The following SNX1 variants were observed in gnomAD, a reference collection of about 807,000 sequenced individuals.
The protein encoded by SNX1 is sorting nexin 1.
A neutral mutation model predicts 71.8 loss-of-function variants in SNX1; 36 were observed. The ratio of observed to expected loss-of-function variants is 0.50; its 90% CI spans 0.38 to 0.66. The LOEUF (loss-of-function observed/expected upper bound fraction) is 0.66, where lower values mean the gene tolerates loss of function less well. Ranked by LOEUF, SNX1 falls within the 30% of genes least tolerant of loss-of-function variation. The probability of loss-of-function intolerance (pLI) is 0.00; values close to 1 mark genes in which losing one functional copy is unlikely to be tolerated. For synonymous variants in SNX1, 254 were observed against 240.7 expected, an observed-to-expected ratio of 1.06 and a Z score of -0.51; for missense variants, 612 against 646.7, an observed-to-expected ratio of 0.95 and a Z score of 0.58.
At chr15:64,127,312 G>C (rs1407043073) in intron 7 of SNX1, 60 bp downstream of exon 7, 17 of 1,317,228 alleles carry the variant, frequency 1.3e-5, no homozygotes, top group Non-Finnish European at 1.8e-5. Flanking sequence ...GCTGAAAAGT[G>C]AGTCTAAATG....
chr15:64,134,416 C>T lies in SNX1; in HGVS notation c.1222-248C>T. 1 of 493,830 alleles carries T rather than the reference C, an allele frequency of 2.0e-6. No homozygotes were observed. 30.6% of individuals were successfully genotyped at this position (493,830 alleles called of 1,614,324 possible). On this transcript the variant is annotated intron_variant, in intron 11 of 14. Coordinates refer to ENST00000559844, the MANE Select transcript of SNX1 (RefSeq NM_003099.5). This position sits in a 1 kb window ranked among gnomAD's most constrained non-coding sequence, Gnocchi z 4.1. ...ACTGGCATGAGGCCACCTACTGGAT[C>T]CCTGCCATCCAGCCCTGGGAGTAGC...
At position 64,123,020 on chromosome 15, in the gene SNX1, C is replaced by T. The variant is rs114542783; in HGVS notation, c.467-483C>T. Reference sequence around the variant, plus strand: ...CCGGCACCAATGGAGGGGGTTGTGACGATATTTCTGAAAGAGCAAATCGAG... The same window carrying T: ...CCGGCACCAATGGAGGGGGTTGTGATGATATTTCTGAAAGAGCAAATCGAG... On this transcript the variant is annotated intron_variant, in intron 4 of 14. Transcript: ENST00000559844. 3.8e-3 allele frequency among the ~76,000 whole-genome samples: 575 copies of T among 152,072 alleles called. 3 individuals are homozygous for T. Among genetic ancestry groups the T allele is most frequent in the African/African-American group, 0.013 (540 of 41,474 alleles).
chr15:64,120,894 G>A (rs2081190873), intron 4 of SNX1, among the ~76,000 whole-genome samples: 1 of 152,022 alleles, frequency 6.6e-6, no homozygotes, highest in Admixed American at 6.6e-5. Flanking sequence ...ACTTTTCCCA[G>A]ACTGTTGGAC....
intron 5 of SNX1, among the ~76,000 whole-genome samples, chr15:64,124,774 A>G (rs2140151374): frequency 6.6e-6 from 1 of 152,302 alleles, no homozygotes. Context: ...TAGGTACTGC[A>G]AATATTGGAC....
Position 64,137,711 on chromosome 15 carries a change from C to T in SNX1, c.*93C>T. 1 of 1,586,692 alleles carries T rather than the reference C, an allele frequency of 6.3e-7. No homozygotes were observed. Among genetic ancestry groups the T allele is most frequent in the Non-Finnish European group, 8.6e-7 (1 of 1,162,642 alleles). ...ATGGACCCCTAGTGATGCATCCTGC[C>T]TAGGCTGGACTTAACCCCTTCCTCC... is the stretch of plus-strand genomic sequence containing the variant. On this transcript the variant is annotated 3_prime_UTR_variant, in exon 15 of 15. Coordinates refer to ENST00000559844, the MANE Select transcript of SNX1 (RefSeq NM_003099.5).
chr15:64,125,137 G>A (rs904184590), intron 5 of SNX1, among the ~76,000 whole-genome samples: 1 of 152,056 alleles, frequency 6.6e-6, no homozygotes. Flanking sequence ...CTTTAGTTTG[G>A]CTGCTGTAAT....
intron 4 of SNX1, among the ~76,000 whole-genome samples, chr15:64,120,336 A>C (rs1460978024): frequency 7.6e-6 from 1 of 131,650 alleles, no homozygotes; most frequent in Admixed American, 9.2e-5. Context: ...CAGTGGTATG[A>C]TCACAGCTCA....
chr15:64,098,888 A>G (rs1324870117), intron 1 of SNX1, among the ~76,000 whole-genome samples: 1 of 152,130 alleles, frequency 6.6e-6, no homozygotes, highest in Non-Finnish European at 1.5e-5. Context: ...AATTATTTTT[A>G]TTTAGATATG....
Position 64,126,212 on chromosome 15 carries a change from G to A in SNX1, c.644G>A (p.Ser215Asn), listed in dbSNP as rs1312066405. Reference sequence around the variant, plus strand: ...ATTGTCCCTCCGCCCCCGGAGAAGAGCCTCATAGGTAAGCCTGTGGTCTTT... The same window carrying A: ...ATTGTCCCTCCGCCCCCGGAGAAGAACCTCATAGGTAAGCCTGTGGTCTTT... Reference protein sequence around the residue: ...GFIVPPPPEKSLIGMTKVKVG... With the variant: ...GFIVPPPPEKNLIGMTKVKVG... The change falls in exon 6 of 15, where the codon AGC (serine) becomes AAC (asparagine). Residue 215 changes from serine to asparagine, a missense_variant. Ser to Asn is a conservative substitution (Grantham distance 46). Around this residue, in one of 2 missense-constraint regions of SNX1, gnomAD observed 316 missense variants for 284.9 expected, o/e 1.11. Coordinates refer to ENST00000559844, the MANE Select transcript of SNX1 (RefSeq NM_003099.5). 6.2e-7 allele frequency: 1 copy of A among 1,613,616 alleles called. No homozygotes were observed. The highest frequency in any genetic ancestry group is 1.7e-5 in the Admixed American group (1 of 59,832).
At chr15:64,106,698 C>T (rs776041193) in intron 1 of SNX1, among the ~76,000 whole-genome samples, 59 of 152,080 alleles carry the variant, frequency 3.9e-4, no homozygotes, top group Admixed American at 1.3e-3. Context: ...CTATGAAAGA[C>T]GATATGGAAG....
At chr15:64,107,516 G>A (rs2081034537) in intron 1 of SNX1, among the ~76,000 whole-genome samples, 1 of 152,192 alleles carries the variant, frequency 6.6e-6, no homozygotes, top group Non-Finnish European at 1.5e-5. Context: ...CTTGAGGCTG[G>A]TAATTGTGGA....
intron 10 of SNX1, 151 bp from the exon 11 acceptor site, chr15:64,131,536 T>A (rs2081306703): frequency 1.5e-6 from 1 of 664,668 alleles, no homozygotes. Flanking sequence ...CTGAATACAG[T>A]TAACTGTGGT....
chr15:64,114,771 G>A (rs1436052076), intron 2 of SNX1, among the ~76,000 whole-genome samples: 1 of 152,152 alleles, frequency 6.6e-6, no homozygotes, highest in East Asian at 1.9e-4. Flanking sequence ...TAGAAAAATT[G>A]AGATTTTCCA....
Position 64,132,210 on chromosome 15 carries a change from G to A in SNX1, c.1221+318G>A, listed in dbSNP as rs118115600. The A allele has an allele frequency of 3.7e-3, 1,347 of 359,740 alleles. 9 individuals carry two copies. Among genetic ancestry groups the A allele is most frequent in the Middle Eastern group, 0.018 (20 of 1,092 alleles). The allele number at this position is 359,740 out of a possible 1,614,324, so 22.3% of individuals were successfully genotyped here. A position where few individuals can be genotyped will look rare whatever the true frequency, so the allele number is the denominator to read the frequency against. ...TGTGGTCCTTTCTTGAAGCAAGGTT[G>A]CTTACAGACCTACTCTCTTGGTCCC... On this transcript the variant is annotated intron_variant, in intron 11 of 14. Transcript: ENST00000559844.
chr15:64,104,425 A>G (rs2080996905), intron 1 of SNX1, among the ~76,000 whole-genome samples: 1 of 151,896 alleles, frequency 6.6e-6, no homozygotes, highest in Non-Finnish European at 1.5e-5. Context: ...GGCGCCCGCC[A>G]CCACGCCCGG....
rs2081410983 is a variant in SNX1, at chr15:64,141,145, T to C, written c.*3527T>C. On this transcript the variant is annotated 3_prime_UTR_variant, in exon 15 of 15. Transcript: ENST00000559844. The surrounding 1 kb of genome is among the most constrained non-coding windows in gnomAD (Gnocchi z 5.1). Reference sequence around the variant, plus strand: ...CACACTGATGCTTTGAGACCAGCCCTGTAGGTTTATTCCAGTCTGCCCCCT... The same window carrying C: ...CACACTGATGCTTTGAGACCAGCCCCGTAGGTTTATTCCAGTCTGCCCCCT... 6.6e-6 allele frequency: 1 copy of C among 152,264 alleles called. No individual in the cohort carries two copies. Among genetic ancestry groups the C allele is most frequent in the South Asian group, 2.1e-4 (1 of 4,838 alleles). The allele number at this position is 152,264 out of a possible 1,614,324, so 9.4% of individuals were successfully genotyped here.
Position 64,134,755 on chromosome 15 carries a change from T to C in SNX1, c.1313T>C (p.Leu438Pro). ...QKKREAEARL[L>P]WANKPDKLQQ... ...AAGCGGGAGGCCGAGGCTCGGCTGC[T>C]GTGGGCCAACAAGCCTGATAAGCTG... Residue 438 changes from leucine to proline, a missense_variant, in exon 12 of 15, where the codon CTG (leucine) becomes CCG (proline). This residue lies in a region of SNX1 where 296 missense variants were observed against 361.9 expected (regional missense o/e 0.82). Transcript: ENST00000559844. This position sits in a 1 kb window ranked among gnomAD's most constrained non-coding sequence, Gnocchi z 4.1. 1 of 1,613,960 alleles carries C rather than the reference T, an allele frequency of 6.2e-7. No homozygotes were observed. Among genetic ancestry groups the C allele is most frequent in the Non-Finnish European group, 8.5e-7 (1 of 1,180,022 alleles).
Position 64,130,263 on chromosome 15 carries a change from G to A in SNX1, c.957G>A (p.Glu319=). 1.2e-6 allele frequency: 2 copies of A among 1,614,164 alleles called. No individual in the cohort carries two copies. Among genetic ancestry groups the A allele is most frequent in the Non-Finnish European group, 1.7e-6 (2 of 1,180,036 alleles). Residue 319 remains glutamate (E), a synonymous_variant, in exon 10 of 15, where the codon GAG becomes GAA. Transcript: ENST00000559844. Reference sequence around the variant, plus strand: ...AGAAGCTCCAGGAGGTAGAGTGTGAGGAGCAGCGCTTACGGAAACTGCATG... The same window carrying A: ...AGAAGCTCCAGGAGGTAGAGTGTGAAGAGCAGCGCTTACGGAAACTGCATG... The part of the protein sequence containing the change: ...FEEKLQEVEC[E]EQRLRKLHAV...
chr15:64,134,656 C>T lies in SNX1; in HGVS notation c.1222-8C>T. On this transcript the variant is annotated splice_polypyrimidine_tract_variant and splice_region_variant and intron_variant, in intron 11 of 14. Coordinates refer to ENST00000559844, the MANE Select transcript of SNX1 (RefSeq NM_003099.5). This position sits in a 1 kb window ranked among gnomAD's most constrained non-coding sequence, Gnocchi z 4.1. ...TGGTTGTGCTCCTCCTCAACCCCAC[C>T]CCCACAGGCTGCCTTCGACCAGCGC... The T allele has an allele frequency of 6.2e-7, 1 of 1,607,494 alleles. No individual in the cohort carries two copies. The highest frequency in any genetic ancestry group is 1.3e-5 in the African/African-American group (1 of 74,978).
Sources: allele counts gnomAD v4.1 joint callset (sites outside exome capture counted in the v4.1 genomes callset), GRCh38; gene constraint gnomAD v4.1.1; regional missense constraint gnomAD v4.1.1; non-coding constraint Gnocchi (gnomAD v3.1); transcripts MANE v1.5; gene names NCBI Gene and HGNC (gene_info 2026-07-23, HGNC 2026-07-21).